Variants in AFTPH observed in about 807,000 individuals in gnomAD.
AFTPH encodes the protein aftiphilin protein.
A neutral mutation model predicts 72.5 loss-of-function variants in AFTPH; 7 were observed. The observed-to-expected ratio is 0.10, with a 90% CI of 0.05 to 0.18. The LOEUF is 0.18. Among genes scored for constraint, AFTPH ranks in the 10% least tolerant of loss-of-function variants. The pLI is 1.00. For missense variants in AFTPH, 979 were observed against 1,060.5 expected, an observed-to-expected ratio of 0.92 and a Z score of 1.07; for synonymous variants, 337 against 370.1, an observed-to-expected ratio of 0.91 and a Z score of 1.03.
chr2:64,556,057 AG>A lies in AFTPH; in HGVS notation c.1935+2649del, dbSNP rs1341938607. Among the ~76,000 whole-genome samples, 8 of 147,664 alleles carry A rather than the reference AG, an allele frequency of 5.4e-5. No homozygotes were observed. The East Asian group carries it at 1.6e-3, about 30-fold the overall frequency. ...GGCTGGAGTGCAGTGGCACGATCTC[AG>A]CTCACTGCAGCCTCCGCCTCCCGGG... is the stretch of plus-strand genomic sequence containing the variant. On this transcript the variant is annotated intron_variant, in intron 2 of 8. Coordinates refer to ENST00000238856, the Ensembl canonical transcript of AFTPH.
chr2:64,535,013 C>T (rs1183813563), intron 1 of AFTPH, among the ~76,000 whole-genome samples: 1 of 152,088 alleles, frequency 6.6e-6, no homozygotes, highest in Non-Finnish European at 1.5e-5. Context: ...ATATTGTAAA[C>T]TCCTTGTTTT....
intron 1 of AFTPH, among the ~76,000 whole-genome samples, chr2:64,539,753 T>C (rs1167828463): frequency 1.3e-5 from 2 of 152,100 alleles, no homozygotes; most frequent in African/African-American, 2.4e-5. Flanking sequence ...TCATTTGAGC[T>C]CAAATAAAGT....
At chr2:64,531,861 G>A (rs1357247371) in intron 1 of AFTPH, among the ~76,000 whole-genome samples, 7 of 151,914 alleles carry the variant, frequency 4.6e-5, no homozygotes, top group African/African-American at 1.7e-4. Context: ...GTTGTCAGTT[G>A]GACAGCCCAG....
chr2:64,551,596 G>A lies in AFTPH; in HGVS notation c.122G>A (p.Gly41Asp), dbSNP rs143560537. 3,458 of 1,614,054 alleles carry A rather than the reference G, an allele frequency of 2.1e-3. 4 individuals carry two copies. Among genetic ancestry groups the A allele is most frequent in the Non-Finnish European group, 2.8e-3 (3,277 of 1,179,978 alleles). The change falls in exon 2 of 9, where the codon GGT (glycine) becomes GAT (aspartate). Residue 41 changes from glycine (G) to aspartate (D), a missense_variant. Physicochemically the swap from Gly to Asp is moderately conservative, Grantham distance 94. Coordinates refer to ENST00000238856, the Ensembl canonical transcript of AFTPH. Reference sequence around the variant, plus strand: ...GGGTTTTCAGAAGTTAGCCCTTCTGGTGTAGGGTTTGTTGATTTCGATACA... The same window carrying A: ...GGGTTTTCAGAAGTTAGCCCTTCTGATGTAGGGTTTGTTGATTTCGATACA...
At chr2:64,544,017 T>TTTG (rs1670411693) in intron 1 of AFTPH, among the ~76,000 whole-genome samples, 2 of 152,246 alleles carry the variant, frequency 1.3e-5, no homozygotes, top group Non-Finnish European at 2.9e-5. Flanking sequence ...TGCTGACTGC[T>TTTG]ATTGGGCTTC....
At chr2:64,567,038 G>C (rs1049229579) in intron 2 of AFTPH, among the ~76,000 whole-genome samples, 4 of 152,008 alleles carry the variant, frequency 2.6e-5, no homozygotes, top group African/African-American at 9.7e-5. Flanking sequence ...TTTCCAAAAG[G>C]CTATCAAAAT....
Position 64,548,433 on chromosome 2 carries a change from A to AC in AFTPH, c.-32-3010_-32-3009insC, listed in dbSNP as rs1553397847. The stretch of plus-strand genomic sequence containing the variant: ...AAAAAAAAAAAAAAAAAAAAAAAAA[A>AC]AACTTTAGAAAAAGGAATCCTGTAG... On this transcript the variant is annotated intron_variant, in intron 1 of 8. Transcript: ENST00000238856. 8.5e-4 allele frequency among the ~76,000 whole-genome samples: 87 copies of AC among 102,608 alleles called. 8 individuals are homozygous for AC. Among genetic ancestry groups the AC allele is most frequent in the African/African-American group, 3.0e-3 (84 of 27,696 alleles). 67.3% of individuals were successfully genotyped at this position (102,608 alleles called of 152,430 possible).
chr2:64,537,531 A>G (rs926689703), intron 1 of AFTPH, among the ~76,000 whole-genome samples: 1 of 152,226 alleles, frequency 6.6e-6, no homozygotes, highest in Non-Finnish European at 1.5e-5. Context: ...TACCAATAGT[A>G]TCTTTTAGAG....
chr2:64,529,872 A>T (rs1259999704), intron 1 of AFTPH, among the ~76,000 whole-genome samples: 2 of 152,096 alleles, frequency 1.3e-5, no homozygotes, highest in Non-Finnish European at 2.9e-5. Flanking sequence ...AAAATCCCTC[A>T]GCCAGGCGCA....
intron 6 of AFTPH, among the ~76,000 whole-genome samples, chr2:64,576,206 A>ATG (rs2104138674): frequency 6.7e-6 from 1 of 148,602 alleles, no homozygotes; most frequent in East Asian, 2.0e-4. Flanking sequence ...TAACATATAT[A>ATG]TATATGTAAA....
intron 2 of AFTPH, among the ~76,000 whole-genome samples, chr2:64,554,833 A>T (rs534145455): frequency 6.6e-6 from 1 of 152,308 alleles, no homozygotes; most frequent in South Asian, 2.1e-4. Flanking sequence ...ATCTCACTAG[A>T]GGATAGGGTG....
chr2:64,579,147 T>G (rs749195675), intron 6 of AFTPH: 3 of 191,592 alleles, frequency 1.6e-5, no homozygotes, highest in Non-Finnish European at 3.2e-5. Flanking sequence ...TACCATGTTT[T>G]AATTTTTATT....
At chr2:64,570,468 A>G (rs1156864710) in intron 5 of AFTPH, among the ~76,000 whole-genome samples, 1 of 152,162 alleles carries the variant, frequency 6.6e-6, no homozygotes, top group Non-Finnish European at 1.5e-5. Context: ...AATAAGCACT[A>G]ATTATTGATT....
intron 1 of AFTPH, among the ~76,000 whole-genome samples, chr2:64,533,406 A>AAAAC (rs1028044940): frequency 6.6e-6 from 1 of 152,172 alleles, no homozygotes; most frequent in Non-Finnish European, 1.5e-5. Context: ...CTGCCTCCAA[A>AAAAC]AAACAAACAA....
At chr2:64,574,763 G>A (rs1443308070) in intron 6 of AFTPH, among the ~76,000 whole-genome samples, 1 of 152,230 alleles carries the variant, frequency 6.6e-6, no homozygotes, top group African/African-American at 2.4e-5. Context: ...GGCTTGGGCA[G>A]AATGTCTCCG....
intron 7 of AFTPH, chr2:64,580,375 G>A (rs1673118173): frequency 6.6e-6 from 1 of 152,654 alleles, no homozygotes; most frequent in Non-Finnish European, 1.5e-5. Flanking sequence ...GGGGTCCTAG[G>A]ATATCTGGAA....
chr2:64,590,629 G>GA (rs1356081375), intron 8 of AFTPH, among the ~76,000 whole-genome samples: 7 of 152,096 alleles, frequency 4.6e-5, no homozygotes, highest in South Asian at 2.1e-4. Context: ...ATTTTCATCA[G>GA]AAAAAAATGT....
At chr2:64,552,714 A>G (rs972773732) in exon 2 of AFTPH, 5 of 1,614,200 alleles carry the variant, frequency 3.1e-6, no homozygotes, top group Non-Finnish European at 4.2e-6. Context: ...AAGTGTAAAA[A>G]ATGGTGATAG....
intron 5 of AFTPH, among the ~76,000 whole-genome samples, chr2:64,570,692 A>G (rs1672359108): frequency 6.6e-6 from 1 of 152,076 alleles, no homozygotes; most frequent in Non-Finnish European, 1.5e-5. Flanking sequence ...AGCAATCCAG[A>G]GGTTGTTGAT....
Sources: allele counts gnomAD v4.1 joint callset (sites outside exome capture counted in the v4.1 genomes callset), GRCh38; gene constraint gnomAD v4.1.1; transcripts MANE v1.5; gene names NCBI Gene and HGNC (gene_info 2026-07-23, HGNC 2026-07-21).